The following GLI2 variants were observed in gnomAD, a reference collection of about 807,000 sequenced individuals.
GLI2 encodes the protein transcription activator GLI2.
GLI2 carries 22 observed loss-of-function variants against 78.9 expected under a neutral mutation model. That is an observed-to-expected ratio of 0.28 (90% CI 0.20 to 0.40). The LOEUF is 0.40. Among genes scored for constraint, GLI2 ranks in the 10% least tolerant of loss-of-function variants. GLI2 has a pLI of 1.00. For missense variants in GLI2, 2,097 were observed against 2,213.2 expected (o/e 0.95, Z 1.05); for synonymous variants, 974 against 963.7 (o/e 1.01, Z -0.20).
intron 2 of GLI2, among the ~76,000 whole-genome samples, chr2:120,889,123 C>A (rs988875722): frequency 6.6e-6 from 1 of 152,230 alleles, no homozygotes; most frequent in Non-Finnish European, 1.5e-5. Context: ...GAAAGAAGTG[C>A]GGTGGCCATA....
At chr2:120,938,066 G>C (rs1248466492) in intron 3 of GLI2, among the ~76,000 whole-genome samples, 5 of 152,104 alleles carry the variant, frequency 3.3e-5, no homozygotes, top group Admixed American at 2.0e-4. Context: ...GGAAGATTTG[G>C]TTCAGCAGTG....
chr2:120,957,002 C>T (rs1419241755), intron 5 of GLI2, among the ~76,000 whole-genome samples: 4 of 152,206 alleles, frequency 2.6e-5, no homozygotes, highest in Admixed American at 2.6e-4. Context: ...TGGGACAGCT[C>T]CCTCCTCTGG....
intron 2 of GLI2, among the ~76,000 whole-genome samples, chr2:120,821,052 A>G (rs1489279446): frequency 1.3e-5 from 2 of 151,922 alleles, no homozygotes; most frequent in African/African-American, 4.8e-5. Context: ...GGAAATGCAA[A>G]AAGTGTTTTC....
intron 9 of GLI2, 31 bp downstream of exon 9, chr2:120,975,140 C>G: frequency 6.2e-7 from 1 of 1,610,814 alleles, no homozygotes; most frequent in South Asian, 1.1e-5. Flanking sequence ...AGCCCGCCAA[C>G]CGGGGCACGG....
intron 3 of GLI2, among the ~76,000 whole-genome samples, chr2:120,928,657 G>A (rs1679807389): frequency 6.6e-6 from 1 of 152,210 alleles, no homozygotes; most frequent in Non-Finnish European, 1.5e-5. Context: ...CCCTCACTGT[G>A]CTCACAGCAT....
At chr2:120,763,624 A>G (rs960254492) in intron 1 of GLI2, among the ~76,000 whole-genome samples, 1 of 151,980 alleles carries the variant, frequency 6.6e-6, no homozygotes, top group African/African-American at 2.4e-5. Context: ...CTGTGGGTCC[A>G]CTCACCCACT....
chr2:120,984,327 CT>C, intron 11 of GLI2, 143 bp from the exon 12 acceptor site: 2 of 864,826 alleles, frequency 2.3e-6, no homozygotes, highest in South Asian at 2.7e-5. Context: ...AGAGCACTGG[CT>C]GCAAATTTGA....
At chr2:120,777,211 G>A (rs530620085) in intron 1 of GLI2, among the ~76,000 whole-genome samples, 11 of 152,262 alleles carry the variant, frequency 7.2e-5, no homozygotes, top group East Asian at 3.9e-4. Flanking sequence ...GTGTGTAAGC[G>A]TGAGCCAGAG....
At chr2:120,935,413 G>A (rs938797639) in intron 3 of GLI2, among the ~76,000 whole-genome samples, 1 of 152,226 alleles carries the variant, frequency 6.6e-6, no homozygotes, top group African/African-American at 2.4e-5. Context: ...AGGGTAGACC[G>A]ACTAGATGTG....
chr2:120,805,623 TTGCCTAGTGA>T (rs1397402604), intron 2 of GLI2, among the ~76,000 whole-genome samples: 2 of 152,206 alleles, frequency 1.3e-5, no homozygotes, highest in Non-Finnish European at 2.9e-5. Flanking sequence ...ATGCAGAGGG[TTGCCTAGTGA>T]TATTACTTGG....
At chr2:120,946,578 C>T (rs539227878) in intron 3 of GLI2, among the ~76,000 whole-genome samples, 85 of 152,294 alleles carry the variant, frequency 5.6e-4, no homozygotes, top group African/African-American at 7.5e-4. Context: ...ACACCAAGGC[C>T]GGGCCCCTGC....
rs13353369 is a variant in GLI2, at chr2:120,928,350, C to G, written c.254+884C>G. On this transcript the variant is annotated intron_variant, in intron 3 of 13. Transcript: ENST00000361492. ...TGCCCAGTGTGCCTGGAATCTCCCC[C>G]CAACAGGCCACCTCCAAGCCTCAAC... 4.8e-3 allele frequency among the ~76,000 whole-genome samples: 733 copies of G among 152,332 alleles called. 3 individuals are homozygous for G. Among genetic ancestry groups the G allele is most frequent in the African/African-American group, 0.016 (685 of 41,578 alleles).
chr2:120,907,133 C>A (rs895878366), intron 2 of GLI2, among the ~76,000 whole-genome samples: 1 of 152,222 alleles, frequency 6.6e-6, no homozygotes, highest in Non-Finnish European at 1.5e-5. Context: ...CAGCCCTCAC[C>A]TGCTGCCTTG....
At chr2:120,981,566 G>C (rs951721660) in intron 10 of GLI2, among the ~76,000 whole-genome samples, 2 of 152,156 alleles carry the variant, frequency 1.3e-5, no homozygotes, top group African/African-American at 4.8e-5. Context: ...TTGATGATAT[G>C]AGCTGTGAGT....
At chr2:120,795,372 A>G (rs948227109) in intron 1 of GLI2, among the ~76,000 whole-genome samples, 4 of 151,688 alleles carry the variant, frequency 2.6e-5, no homozygotes, top group Middle Eastern at 3.4e-3. Context: ...AAAATACAAA[A>G]ATTAGCCGAG....
intron 1 of GLI2, among the ~76,000 whole-genome samples, chr2:120,771,730 T>G (rs1683528740): frequency 6.6e-6 from 1 of 152,196 alleles, no homozygotes; most frequent in Admixed American, 6.5e-5. Flanking sequence ...CTAGCAGCAT[T>G]CAGATGCTCA....
intron 2 of GLI2, among the ~76,000 whole-genome samples, chr2:120,889,895 A>C (rs2104745265): frequency 6.6e-6 from 1 of 152,342 alleles, no homozygotes; most frequent in Admixed American, 6.5e-5. Flanking sequence ...TCTCTAGAAA[A>C]CAGTCTGGAA....
At chr2:120,920,007 C>A (rs545905251) in intron 2 of GLI2, among the ~76,000 whole-genome samples, 15 of 152,366 alleles carry the variant, frequency 9.8e-5, no homozygotes, top group African/African-American at 3.4e-4. Context: ...AGTGCTGGGG[C>A]AACTCGATTT....
chr2:120,865,698 ATCT>A (rs1688096868), intron 2 of GLI2, among the ~76,000 whole-genome samples: 1 of 152,170 alleles, frequency 6.6e-6, no homozygotes, highest in Non-Finnish European at 1.5e-5. Context: ...TGGTTTGACC[ATCT>A]TCTCCCCATC....
Sources: gnomAD v4.1 joint callset for allele counts (sites outside exome capture counted in the v4.1 genomes callset) on GRCh38, gnomAD v4.1.1 for gene constraint, MANE v1.5 for transcripts, NCBI Gene and HGNC (gene_info 2026-07-23, HGNC 2026-07-21) for gene names.